Variants in RHOBTB1 observed in about 807,000 individuals in gnomAD.
The protein encoded by RHOBTB1 is rho-related BTB domain-containing protein 1.
RHOBTB1 carries 40 observed loss-of-function variants against 71.6 expected under a neutral mutation model. That is an observed-to-expected ratio of 0.56 (90% confidence interval 0.43 to 0.73). The LOEUF (loss-of-function observed/expected upper bound fraction) is 0.73. Ranked by LOEUF, RHOBTB1 falls within the 30% of genes least tolerant of loss-of-function variation. RHOBTB1 has a pLI of 0.00. For missense variants in RHOBTB1, 797 were observed against 894.0 expected, an observed-to-expected ratio of 0.89 and a Z score of 1.38; for synonymous variants, 319 against 334.9, an observed-to-expected ratio of 0.95 and a Z score of 0.52.
At chr10:60,943,447 C>T (rs1215458040) in intron 1 of RHOBTB1, among the ~76,000 whole-genome samples, 2 of 152,140 alleles carry the variant, frequency 1.3e-5, no homozygotes, top group African/African-American at 4.8e-5. Flanking sequence ...GCAGCTCCTC[C>T]TGTTGTCACA....
intron 2 of RHOBTB1, among the ~76,000 whole-genome samples, chr10:60,928,071 T>G (rs1357854560): frequency 1.3e-5 from 2 of 151,766 alleles, no homozygotes. Context: ...TATGAAAAAA[T>G]GCTCAACATC....
intron 4 of RHOBTB1, among the ~76,000 whole-genome samples, chr10:60,901,790 C>T (rs929465024): frequency 1.3e-5 from 2 of 152,208 alleles, no homozygotes; most frequent in African/African-American, 2.4e-5. Flanking sequence ...GTAAAAGGAA[C>T]GCAGAACATA....
chr10:60,916,972 A>C (rs2083300827), intron 2 of RHOBTB1, among the ~76,000 whole-genome samples: 1 of 152,212 alleles, frequency 6.6e-6, no homozygotes, highest in Non-Finnish European at 1.5e-5. Flanking sequence ...CAAGCCAGGT[A>C]ATGTATGTGA....
intron 1 of RHOBTB1, among the ~76,000 whole-genome samples, chr10:60,991,405 C>T (rs896572626): frequency 1.3e-5 from 2 of 151,502 alleles, no homozygotes; most frequent in African/African-American, 4.9e-5. Flanking sequence ...CTTCTGCACT[C>T]CAGACAGTGT....
At chr10:60,956,358 G>T (rs1033022523) in intron 2 of RHOBTB1, among the ~76,000 whole-genome samples, 10 of 152,036 alleles carry the variant, frequency 6.6e-5, no homozygotes, top group Admixed American at 1.3e-4. Flanking sequence ...GTAAATAGTG[G>T]GTGAATGTGA....
chr10:60,903,094 C>T (rs533626311), intron 4 of RHOBTB1, among the ~76,000 whole-genome samples: 6 of 152,208 alleles, frequency 3.9e-5, no homozygotes, highest in South Asian at 4.1e-4. Flanking sequence ...ACCTGGATTC[C>T]GAAGGTGACA....
chr10:60,920,983 C>T (rs1169608570), intron 2 of RHOBTB1, among the ~76,000 whole-genome samples: 5 of 147,444 alleles, frequency 3.4e-5, no homozygotes, highest in Admixed American at 2.1e-4. Context: ...GACAGTGTCT[C>T]GCCTTGTTGC....
At chr10:60,911,016 T>G (rs530687890) in intron 3 of RHOBTB1, 26 bp from the exon 4 acceptor site, 1 of 1,585,694 alleles carries the variant, frequency 6.3e-7, no homozygotes, top group South Asian at 1.1e-5. Context: ...AGAGCATCTG[T>G]GCTCGGTGTC....
intron 1 of RHOBTB1, among the ~76,000 whole-genome samples, chr10:61,001,018 C>T (rs943312123): frequency 5.9e-5 from 9 of 152,058 alleles, no homozygotes; most frequent in African/African-American, 2.2e-4. Context: ...TCTCTCTAAT[C>T]CCTCTGGCCA....
Position 60,972,653 on chromosome 10 carries a change from C to T in RHOBTB1, c.-62+13192G>A, listed in dbSNP as rs527605910. 4.2e-3 allele frequency among the ~76,000 whole-genome samples: 646 copies of T among 152,010 alleles called. 1 individual carries two copies. Among genetic ancestry groups the T allele is most frequent in the Non-Finnish European group, 7.1e-3 (483 of 67,942 alleles). On this transcript the variant is annotated intron_variant, in intron 2 of 11. Transcript: ENST00000357917. ...TGCCTATGTAACAAACCTGTATGTTCTGCACATGTATCCCAGAACTTAAAG... is the reference window on the plus strand; with the variant it reads ...TGCCTATGTAACAAACCTGTATGTTTTGCACATGTATCCCAGAACTTAAAG...
intron 4 of RHOBTB1, among the ~76,000 whole-genome samples, chr10:60,898,101 A>G (rs884403): frequency 0.31 from 46,938 of 151,980 alleles, 7,520 homozygotes; most frequent in East Asian, 0.58. Flanking sequence ...CCACCTCTTT[A>G]TATGTCATCA....
chr10:60,980,374 TA>T (rs1256870423), intron 2 of RHOBTB1, among the ~76,000 whole-genome samples: 2 of 152,078 alleles, frequency 1.3e-5, no homozygotes, highest in African/African-American at 4.8e-5. Flanking sequence ...GAATATACGA[TA>T]AAAAAATGAT....
At chr10:60,876,195 C>T (rs1356023649) in intron 8 of RHOBTB1, among the ~76,000 whole-genome samples, 3 of 152,178 alleles carry the variant, frequency 2.0e-5, no homozygotes, top group Admixed American at 6.5e-5. Context: ...GCTCACAAAG[C>T]ATTGTCACTG....
At chr10:60,983,551 A>C (rs2086570743) in intron 2 of RHOBTB1, among the ~76,000 whole-genome samples, 1 of 151,928 alleles carries the variant, frequency 6.6e-6, no homozygotes, top group South Asian at 2.1e-4. Flanking sequence ...TGGATACTTT[A>C]CTCTTTATTG....
intron 4 of RHOBTB1, among the ~76,000 whole-genome samples, chr10:60,905,468 A>AT (rs2082628091): frequency 6.6e-6 from 1 of 151,368 alleles, no homozygotes; most frequent in African/African-American, 2.4e-5. Context: ...AAAAAAAAAA[A>AT]AAAAAAATTC....
chr10:60,937,151 G>A (rs1000125929), intron 2 of RHOBTB1, among the ~76,000 whole-genome samples: 12 of 152,308 alleles, frequency 7.9e-5, no homozygotes, highest in South Asian at 4.1e-4. Flanking sequence ...GCAAGGACTC[G>A]GTTCCAAAAG....
At chr10:60,994,741 TA>T (rs1038322990) in intron 1 of RHOBTB1, among the ~76,000 whole-genome samples, 46 of 151,922 alleles carry the variant, frequency 3.0e-4, no homozygotes, top group African/African-American at 8.5e-4. Context: ...ATAAACTAAA[TA>T]AAAAATAACT....
chr10:60,982,422 C>T (rs2134822368), intron 2 of RHOBTB1, among the ~76,000 whole-genome samples: 1 of 152,224 alleles, frequency 6.6e-6, no homozygotes. Context: ...TATTGTGTAT[C>T]AGGCATTGTG....
chr10:60,899,749 C>G (rs189397118), intron 4 of RHOBTB1, among the ~76,000 whole-genome samples: 29 of 152,274 alleles, frequency 1.9e-4, no homozygotes, highest in African/African-American at 5.5e-4. Flanking sequence ...AAACTGCTGT[C>G]CTTGTCACAC....
Sources: allele counts gnomAD v4.1 joint callset (sites outside exome capture counted in the v4.1 genomes callset), GRCh38; gene constraint gnomAD v4.1.1; transcripts MANE v1.5; gene names NCBI Gene and HGNC (gene_info 2026-07-23, HGNC 2026-07-21).